SASH1: variants seen among roughly 807,000 people sequenced by gnomAD.
SASH1 encodes the protein SAM and SH3 domain containing 1, also known as SAM and SH3 domain-containing protein 1.
In SASH1, 44 loss-of-function variants were observed where a neutral mutation model predicts 125.2. The ratio of observed to expected loss-of-function variants is 0.35; its 90% CI spans 0.28 to 0.45. The LOEUF is 0.45. Ranked by LOEUF, SASH1 falls within the 20% of genes least tolerant of loss-of-function variation. The pLI is 1.00. For synonymous variants in SASH1, 639 were observed against 649.1 expected (o/e 0.98, Z 0.24); for missense variants, 1,426 against 1,614.5 (o/e 0.88, Z 2.00).
Position 148,474,213 on chromosome 6 carries a change from A to G in SASH1, c.618A>G (p.Ala206=), listed in dbSNP as rs1173334041. ...AAAAGATGATCACAATTGAGGAAGC[A>G]CTTGCTAGGGTAAGCATGCAGATAC... ...VKEKMITIEE[A]LARLKEYEAQ... The change falls in exon 7 of 20, where the codon GCA becomes GCG. Residue 206 remains alanine (A), a synonymous_variant. Coordinates refer to ENST00000367467, the MANE Select transcript of SASH1 (RefSeq NM_015278.5). 6.3e-7 allele frequency: 1 copy of G among 1,593,044 alleles called. No individual in the cohort carries two copies. The highest frequency in any genetic ancestry group is 1.7e-5 in the Admixed American group (1 of 58,268).
chr6:148,214,564 G>A, the SASH1 span, among the ~76,000 whole-genome samples: 6,521 of 152,234 alleles, frequency 0.043, 195 homozygotes, highest in East Asian at 0.11. Context: ...AGTTCAATAT[G>A]TGTTTTCTCT....
intron 2 of SASH1, among the ~76,000 whole-genome samples, chr6:148,415,021 A>G (rs1784768678): frequency 1.3e-5 from 2 of 152,226 alleles, no homozygotes; most frequent in Admixed American, 1.3e-4. Flanking sequence ...AGTGCCAAGT[A>G]TAATGCCTGA....
rs1375615399 is a variant in SASH1 at position 148,532,672 on chromosome 6, G to T, written c.1565-125G>T. On this transcript the variant is annotated intron_variant, in intron 13 of 19. Transcript: ENST00000367467. The surrounding 1 kb of genome is among the most constrained non-coding windows in gnomAD (Gnocchi z 4.7). ...GGCCCTGCCCTGGTCCTGACAGAGG[G>T]TTGTGGCTCAAGGCTTCCTTTCTCT... The T allele has an allele frequency of 3.6e-6, 4 of 1,125,180 alleles. No individual in the cohort carries two copies. The highest frequency in any genetic ancestry group is 1.5e-5 in the African/African-American group (1 of 65,422). 69.7% of individuals were successfully genotyped at this position (1,125,180 alleles called of 1,614,324 possible). A position where few individuals can be genotyped will look rare whatever the true frequency, so the allele number is the denominator to read the frequency against.
the SASH1 span, among the ~76,000 whole-genome samples, chr6:148,218,024 A>AAT: frequency 6.6e-5 from 10 of 151,394 alleles, 1 homozygote; most frequent in African/African-American, 1.9e-4. Context: ...CAAAAAAAAA[A>AAT]AAATAAATAA....
At chr6:148,228,638 C>A in the SASH1 span, among the ~76,000 whole-genome samples, 1 of 152,186 alleles carries the variant, frequency 6.6e-6, no homozygotes, top group Non-Finnish European at 1.5e-5. Flanking sequence ...GGTCATGGTA[C>A]AGTTAGCTGG....
chr6:148,441,766 C>G (rs1315047614), intron 4 of SASH1, among the ~76,000 whole-genome samples: 1 of 152,126 alleles, frequency 6.6e-6, no homozygotes, highest in Non-Finnish European at 1.5e-5. Flanking sequence ...TTGTACTAAC[C>G]TTAGTTAGGC....
At chr6:148,504,761 G>A (rs990487527) in intron 8 of SASH1, among the ~76,000 whole-genome samples, 7 of 152,074 alleles carry the variant, frequency 4.6e-5, no homozygotes, top group Admixed American at 6.5e-5. Context: ...CTCCTGGCCC[G>A]GGGAGCCTCC....
chr6:148,448,126 GTGTGTGTGTGTGTA>G (rs1776893850), intron 4 of SASH1, among the ~76,000 whole-genome samples: 2 of 149,410 alleles, frequency 1.3e-5, no homozygotes, highest in Admixed American at 1.3e-4. Flanking sequence ...GTGTGTGTGT[GTGTGTGTGTGTGTA>G]TGTGTGTGTG....
chr6:148,527,430 ACT>A, intron 11 of SASH1, 21 bp from the exon 12 acceptor site: 1 of 1,552,390 alleles, frequency 6.4e-7, no homozygotes, highest in Non-Finnish European at 8.7e-7. Context: ...GACCAACAAT[ACT>A]TGCAACATTT....
chr6:148,305,200 C>T (rs1780092095), intron 1 of SASH1, among the ~76,000 whole-genome samples: 1 of 152,162 alleles, frequency 6.6e-6, no homozygotes, highest in Admixed American at 6.5e-5. Context: ...TCCTCAAGTT[C>T]TTTGCGTCTT....
intron 1 of SASH1, among the ~76,000 whole-genome samples, chr6:148,362,152 A>G (rs138952804): frequency 6.6e-6 from 1 of 150,862 alleles, no homozygotes; most frequent in South Asian, 2.1e-4. Context: ...TGGTCTCGAT[A>G]TCCTGACCTT....
chr6:148,336,342 AT>A (rs1458682148), intron 1 of SASH1, among the ~76,000 whole-genome samples: 6 of 151,128 alleles, frequency 4.0e-5, no homozygotes, highest in Admixed American at 4.0e-4. Flanking sequence ...CGCCCATTAA[AT>A]TTTTTTGTAT....
intron 4 of SASH1, among the ~76,000 whole-genome samples, chr6:148,460,125 A>G (rs1777546318): frequency 6.6e-6 from 1 of 152,208 alleles, no homozygotes; most frequent in African/African-American, 2.4e-5. Flanking sequence ...CAACCTCCAT[A>G]TGTCTAATGC....
the SASH1 span, among the ~76,000 whole-genome samples, chr6:148,220,369 C>T: frequency 6.6e-6 from 1 of 152,136 alleles, no homozygotes; most frequent in African/African-American, 2.4e-5. Context: ...TCCCTCCAGC[C>T]GTCTTGTAAG....
intron 1 of SASH1, among the ~76,000 whole-genome samples, chr6:148,329,566 A>G (rs1780928993): frequency 2.0e-5 from 3 of 152,184 alleles, no homozygotes; most frequent in South Asian, 4.1e-4. Context: ...GAGTTCATTT[A>G]TTTATATCTT....
At chr6:148,290,347 C>T (rs1350815755) in intron 1 of SASH1, among the ~76,000 whole-genome samples, 3 of 151,616 alleles carry the variant, frequency 2.0e-5, no homozygotes, top group Non-Finnish European at 4.4e-5. Flanking sequence ...TGGCTCATGC[C>T]TGTAATCCCA....
At chr6:148,421,195 AAGAAAGAAAGAAAG>A (rs1562396750) in intron 2 of SASH1, among the ~76,000 whole-genome samples, 1 of 145,798 alleles carries the variant, frequency 6.9e-6, no homozygotes, top group African/African-American at 2.5e-5. Context: ...GAAAGAAAGA[AAGAAAGAAAGAAAG>A]AAAGAAAAAG....
chr6:148,259,115 C>G, the SASH1 span, among the ~76,000 whole-genome samples: 24 of 152,276 alleles, frequency 1.6e-4, no homozygotes, highest in Admixed American at 1.4e-3. Context: ...ACTCAAAGAT[C>G]GTTGTCTGCG....
At chr6:148,449,082 T>TTC (rs71729833) in intron 4 of SASH1, among the ~76,000 whole-genome samples, 2 of 91,306 alleles carry the variant, frequency 2.2e-5, no homozygotes, top group African/African-American at 7.7e-5. Flanking sequence ...TCATTTCTTT[T>TTC]TTTTTTTTTT....
Sources: gnomAD v4.1 joint callset for allele counts (sites outside exome capture counted in the v4.1 genomes callset) on GRCh38, gnomAD v4.1.1 for gene constraint, Gnocchi (gnomAD v3.1) non-coding constraint, MANE v1.5 for transcripts, NCBI Gene and HGNC (gene_info 2026-07-23, HGNC 2026-07-21) for gene names.